The following EPB41L4A variants were observed in gnomAD, a reference collection of about 807,000 sequenced individuals.
EPB41L4A encodes band 4.1-like protein 4A.
Under a neutral mutation model 108.6 loss-of-function variants are expected in EPB41L4A, and 100 were observed. That is an observed-to-expected ratio of 0.92 (90% CI 0.78 to 1.09). The LOEUF (loss-of-function observed/expected upper bound fraction) is 1.09, where lower values mean the gene tolerates loss of function less well. EPB41L4A is among the 50% of genes least tolerant of loss of function. The pLI, the probability that EPB41L4A is intolerant of heterozygous loss-of-function variation, is 0.00. For synonymous variants in EPB41L4A, 319 were observed against 289.0 expected (o/e 1.10, Z -1.05); for missense variants, 1,030 against 842.7 (o/e 1.22, Z -2.75).
intron 1 of EPB41L4A, among the ~76,000 whole-genome samples, chr5:112,394,944 A>G (rs905355940): frequency 3.3e-5 from 5 of 152,212 alleles, no homozygotes; most frequent in African/African-American, 7.2e-5. Context: ...AACACCACAC[A>G]TCGACAACCA....
intron 12 of EPB41L4A, among the ~76,000 whole-genome samples, chr5:112,156,435 C>T (rs1759649976): frequency 6.6e-6 from 1 of 152,122 alleles, no homozygotes; most frequent in Non-Finnish European, 1.5e-5. Flanking sequence ...GAACTGAGGG[C>T]AGAAGATTAA....
At chr5:112,244,658 T>C (rs891525473) in intron 9 of EPB41L4A, among the ~76,000 whole-genome samples, 7 of 152,328 alleles carry the variant, frequency 4.6e-5, no homozygotes, top group Middle Eastern at 3.4e-3. Context: ...AATCTTCTTA[T>C]GCAAATAGGC....
intron 1 of EPB41L4A, among the ~76,000 whole-genome samples, chr5:112,323,654 T>C (rs962102156): frequency 2.0e-5 from 3 of 152,162 alleles, no homozygotes; most frequent in African/African-American, 7.2e-5. Context: ...AACCAGACCC[T>C]AAAAAGTCTC....
intron 2 of EPB41L4A, among the ~76,000 whole-genome samples, chr5:112,301,663 A>G (rs1334666912): frequency 6.6e-6 from 1 of 152,202 alleles, no homozygotes; most frequent in Non-Finnish European, 1.5e-5. Flanking sequence ...GCAAGTCTCT[A>G]CACACTGCAC....
chr5:112,400,187 A>AG (rs998144933), intron 1 of EPB41L4A, among the ~76,000 whole-genome samples: 1 of 152,086 alleles, frequency 6.6e-6, no homozygotes, highest in Admixed American at 6.5e-5. Context: ...GGAAAGAGAG[A>AG]GGGGGGTGAA....
intron 1 of EPB41L4A, among the ~76,000 whole-genome samples, chr5:112,353,556 C>T (rs1438887811): frequency 3.3e-5 from 5 of 151,874 alleles, no homozygotes; most frequent in African/African-American, 9.7e-5. Flanking sequence ...ATGGTAGGCT[C>T]GGTGGGCCCA....
At chr5:112,150,341 G>T (rs1350183975) in intron 12 of EPB41L4A, among the ~76,000 whole-genome samples, 1 of 152,158 alleles carries the variant, frequency 6.6e-6, no homozygotes, top group Admixed American at 6.5e-5. Context: ...AACAGAGTTA[G>T]ACCCTGTCAA....
chr5:112,370,839 T>C (rs1404801267), intron 1 of EPB41L4A, among the ~76,000 whole-genome samples: 1 of 152,226 alleles, frequency 6.6e-6, no homozygotes, highest in Admixed American at 6.5e-5. Context: ...CTCAGGAGGC[T>C]GAGGCACAAT....
intron 13 of EPB41L4A, among the ~76,000 whole-genome samples, chr5:112,206,401 C>T (rs898105828): frequency 6.6e-6 from 1 of 151,402 alleles, no homozygotes; most frequent in Non-Finnish European, 1.5e-5. Flanking sequence ...GTATACTATC[C>T]ATGATGGAAT....
chr5:112,290,176 A>G (rs1753556577), intron 2 of EPB41L4A, among the ~76,000 whole-genome samples: 1 of 110,992 alleles, frequency 9.0e-6, no homozygotes, highest in Non-Finnish European at 2.0e-5. Flanking sequence ...CAAAGACATC[A>G]TACAAACTTT....
chr5:112,151,428 G>A (rs572486747), intron 12 of EPB41L4A, among the ~76,000 whole-genome samples: 1 of 150,618 alleles, frequency 6.6e-6, no homozygotes, highest in South Asian at 2.1e-4. Context: ...TTATTTTTGA[G>A]ACAGAGTCCT....
downstream of EPB41L4A, among the ~76,000 whole-genome samples, chr5:112,158,124 A>G (rs1175735564): frequency 6.6e-6 from 1 of 152,190 alleles, no homozygotes; most frequent in African/African-American, 2.4e-5. Context: ...CTAATTTTGG[A>G]AAGTTTAGGG....
intron 9 of EPB41L4A, among the ~76,000 whole-genome samples, chr5:112,246,174 A>AT (rs1049410562): frequency 6.6e-6 from 1 of 151,636 alleles, no homozygotes; most frequent in South Asian, 2.1e-4. Context: ...TTAGGGAGAA[A>AT]TTTTTTTTTC....
intron 17 of EPB41L4A, among the ~76,000 whole-genome samples, chr5:112,189,653 A>C (rs1027281544): frequency 7.2e-5 from 11 of 152,130 alleles, no homozygotes; most frequent in African/African-American, 1.7e-4. Context: ...GTAGGCTCCC[A>C]AGTTATTTCT....
chr5:112,156,115 A>G (rs192906345), intron 12 of EPB41L4A, among the ~76,000 whole-genome samples: 130 of 152,248 alleles, frequency 8.5e-4, no homozygotes, highest in African/African-American at 3.0e-3. Context: ...CATAATAACA[A>G]AAAAAGAACC....
intron 12 of EPB41L4A, among the ~76,000 whole-genome samples, chr5:112,231,742 G>A (rs1256961235): frequency 7.9e-6 from 1 of 126,986 alleles, no homozygotes; most frequent in Non-Finnish European, 1.6e-5. Flanking sequence ...CCGAGATTGC[G>A]CCACTGCAGT....
At chr5:112,170,395 A>C in intron 19 of EPB41L4A, 26 bp from the exon 20 acceptor site, 1 of 1,438,914 alleles carries the variant, frequency 6.9e-7, no homozygotes, top group Non-Finnish European at 9.8e-7. Context: ...CAAGAAAATG[A>C]TAGTTGTGGT....
intron 2 of EPB41L4A, among the ~76,000 whole-genome samples, chr5:112,293,677 C>T (rs1323207807): frequency 6.6e-6 from 1 of 152,188 alleles, no homozygotes; most frequent in African/African-American, 2.4e-5. Flanking sequence ...TCAAAGCATG[C>T]TCTGCTTTTC....
At chr5:112,271,776 G>C (rs1334721718) in intron 4 of EPB41L4A, among the ~76,000 whole-genome samples, 2 of 152,190 alleles carry the variant, frequency 1.3e-5, no homozygotes, top group Non-Finnish European at 2.9e-5. Context: ...ATTCTGCATA[G>C]ACCATCAGGG....
Sources: gnomAD v4.1 joint callset for allele counts (sites outside exome capture counted in the v4.1 genomes callset) on GRCh38, gnomAD v4.1.1 for gene constraint, MANE v1.5 for transcripts, NCBI Gene and HGNC (gene_info 2026-07-23, HGNC 2026-07-21) for gene names.